Variants in SYT1 observed in about 807,000 individuals in gnomAD.
The protein encoded by SYT1 is synaptotagmin 1.
In SYT1, 8 loss-of-function variants were observed where a neutral mutation model predicts 44.8. The ratio of observed to expected loss-of-function variants is 0.18; its 90% CI spans 0.10 to 0.32. The LOEUF (loss-of-function observed/expected upper bound fraction) is 0.32, where lower values mean the gene tolerates loss of function less well. Among genes scored for constraint, SYT1 ranks in the 10% least tolerant of loss-of-function variants. SYT1 has a pLI of 1.00. For synonymous variants in SYT1, 154 were observed against 188.8 expected (o/e 0.82, Z 1.51); for missense variants, 286 against 509.3 (o/e 0.56, Z 4.22).
chr12:78,918,106 G>C (rs1414256955), intron 1 of SYT1, among the ~76,000 whole-genome samples: 1 of 152,024 alleles, frequency 6.6e-6, no homozygotes, highest in Non-Finnish European at 1.5e-5. Flanking sequence ...CTGCTAGCAA[G>C]TTAAAGAAAA....
Position 79,217,697 on chromosome 12 carries a change from A to G in SYT1, c.166+12A>G, listed in dbSNP as rs757726866. ...GCATAAAATTCCATGTGAGTATTCT[A>G]TATTAGTACTTGAGTAAAAATAAGT... On this transcript the variant is annotated intron_variant, in intron 4 of 10. Transcript: ENST00000261205. 1 of 1,595,572 alleles carries G rather than the reference A, an allele frequency of 6.3e-7. No individual in the cohort carries two copies. Among genetic ancestry groups the G allele is most frequent in the Non-Finnish European group, 8.5e-7 (1 of 1,171,020 alleles).
intron 3 of SYT1, among the ~76,000 whole-genome samples, chr12:79,138,750 T>C (rs1334273292): frequency 3.3e-5 from 5 of 152,230 alleles, no homozygotes; most frequent in African/African-American, 4.8e-5. Context: ...ATCCTTTTTT[T>C]CCCTTTTTGT....
chr12:78,913,996 C>A (rs1182166735), intron 1 of SYT1, among the ~76,000 whole-genome samples: 2 of 151,716 alleles, frequency 1.3e-5, no homozygotes, highest in Admixed American at 6.6e-5. Context: ...TCAGTTTCTT[C>A]ATTTGTGACA....
At chr12:79,170,749 G>A (rs930802688) in intron 3 of SYT1, among the ~76,000 whole-genome samples, 1 of 151,998 alleles carries the variant, frequency 6.6e-6, no homozygotes, top group Non-Finnish European at 1.5e-5. Context: ...ATTGCTTTTG[G>A]TATCTTCATC....
At chr12:79,035,781 G>A (rs554655123) in intron 2 of SYT1, among the ~76,000 whole-genome samples, 1 of 151,782 alleles carries the variant, frequency 6.6e-6, no homozygotes, top group South Asian at 2.1e-4. Context: ...GACTCAACTG[G>A]CAAGGAAACT....
chr12:79,311,781 C>T (rs994003260), intron 8 of SYT1, among the ~76,000 whole-genome samples: 5 of 146,138 alleles, frequency 3.4e-5, no homozygotes, highest in Non-Finnish European at 7.5e-5. Flanking sequence ...AAAAAGCAAA[C>T]ACCGCATGTT....
At chr12:78,955,025 G>A (rs568502919) in intron 1 of SYT1, among the ~76,000 whole-genome samples, 1 of 152,258 alleles carries the variant, frequency 6.6e-6, no homozygotes, top group African/African-American at 2.4e-5. Context: ...AAATCCATCT[G>A]CTGAGTTCAT....
chr12:79,154,949 C>G (rs1050568093), intron 3 of SYT1, among the ~76,000 whole-genome samples: 1 of 152,152 alleles, frequency 6.6e-6, no homozygotes, highest in Non-Finnish European at 1.5e-5. Flanking sequence ...ATTATCTCTA[C>G]TCCCACATGA....
intron 6 of SYT1, among the ~76,000 whole-genome samples, chr12:79,293,867 T>A (rs1879756562): frequency 6.6e-6 from 1 of 152,212 alleles, no homozygotes; most frequent in Non-Finnish European, 1.5e-5. Context: ...GGTTTGTAGT[T>A]ATACCATTTT....
At chr12:78,980,848 G>A (rs900646202) in intron 2 of SYT1, among the ~76,000 whole-genome samples, 2 of 151,978 alleles carry the variant, frequency 1.3e-5, no homozygotes, top group African/African-American at 4.8e-5. Context: ...ATTAAAAGAG[G>A]GGGTAGAATA....
At chr12:79,058,236 C>A (rs1387747448) in intron 3 of SYT1, among the ~76,000 whole-genome samples, 1 of 152,032 alleles carries the variant, frequency 6.6e-6, no homozygotes, top group African/African-American at 2.4e-5. Flanking sequence ...TATTTATCGA[C>A]AGTGGCCACA....
chr12:79,205,882 T>A (rs187180799), intron 3 of SYT1, among the ~76,000 whole-genome samples: 53 of 152,146 alleles, frequency 3.5e-4, no homozygotes, highest in African/African-American at 1.2e-3. Context: ...TTTGTTTAAA[T>A]TTTTTTTAAG....
intron 8 of SYT1, among the ~76,000 whole-genome samples, chr12:79,308,648 G>GA (rs1880599940): frequency 3.2e-5 from 3 of 92,714 alleles, no homozygotes; most frequent in African/African-American, 1.3e-4. Context: ...AAGAAAGAAA[G>GA]AAAGAAAGAA....
At chr12:78,867,810 T>A (rs1873621476) in intron 1 of SYT1, among the ~76,000 whole-genome samples, 1 of 152,010 alleles carries the variant, frequency 6.6e-6, no homozygotes, top group African/African-American at 2.4e-5. Context: ...ATGAATAACA[T>A]TGTATTTATA....
chr12:79,377,313 G>A (rs945965175), intron 9 of SYT1, among the ~76,000 whole-genome samples: 12 of 152,036 alleles, frequency 7.9e-5, no homozygotes, highest in African/African-American at 1.4e-4. Flanking sequence ...AGGTTTCACC[G>A]TTTTAGCCAG....
At chr12:79,247,325 A>T (rs1356348334) in intron 4 of SYT1, among the ~76,000 whole-genome samples, 1 of 152,200 alleles carries the variant, frequency 6.6e-6, no homozygotes, top group African/African-American at 2.4e-5. Flanking sequence ...ATCTGAAGTT[A>T]AAAACCATCT....
intron 2 of SYT1, chr12:79,045,821 C>G (rs1430434288): frequency 1.3e-5 from 2 of 152,116 alleles, no homozygotes; most frequent in Non-Finnish European, 2.9e-5. Context: ...GGAAGCCTGG[C>G]CCTTGGTAAG....
chr12:78,943,458 T>C (rs1373733751), intron 1 of SYT1, among the ~76,000 whole-genome samples: 1 of 152,106 alleles, frequency 6.6e-6, no homozygotes, highest in Non-Finnish European at 1.5e-5. Flanking sequence ...TCTAAACAAA[T>C]AGATTTCTTA....
chr12:79,206,148 AAAAT>A (rs1429181746), intron 3 of SYT1, among the ~76,000 whole-genome samples: 1 of 152,230 alleles, frequency 6.6e-6, no homozygotes, highest in Admixed American at 6.5e-5. Flanking sequence ...AAAAAAAACA[AAAAT>A]AAAAGCAAAA....
Sources: allele counts gnomAD v4.1 joint callset (sites outside exome capture counted in the v4.1 genomes callset), GRCh38; gene constraint gnomAD v4.1.1; transcripts MANE v1.5; gene names NCBI Gene and HGNC (gene_info 2026-07-23, HGNC 2026-07-21).